Variants in RUBCNL observed in about 807,000 individuals in gnomAD.
RUBCNL encodes the protein protein associated with UVRAG as autophagy enhancer.
In RUBCNL, 62 loss-of-function variants were observed where a neutral mutation model predicts 69.5. That is an observed-to-expected ratio of 0.89 (90% CI 0.73 to 1.10). The LOEUF is 1.10. Among genes scored for constraint, RUBCNL ranks in the 50% least tolerant of loss-of-function variants. The probability of loss-of-function intolerance (pLI) is 0.00; values close to 1 mark genes in which losing one functional copy is unlikely to be tolerated. For synonymous variants in RUBCNL, 291 were observed against 303.6 expected (o/e 0.96, Z 0.43); for missense variants, 768 against 798.1 (o/e 0.96, Z 0.45).
chr13:46,383,869 G>A (rs920511652), intron 1 of RUBCNL, among the ~76,000 whole-genome samples: 1 of 152,192 alleles, frequency 6.6e-6, no homozygotes, highest in Non-Finnish European at 1.5e-5. Context: ...CCTACTTGAG[G>A]AGCTATTTTC....
intron 3 of RUBCNL, among the ~76,000 whole-genome samples, chr13:46,370,307 C>T (rs1475174020): frequency 6.6e-6 from 1 of 152,184 alleles, no homozygotes; most frequent in African/African-American, 2.4e-5. Flanking sequence ...TGTGGAATCC[C>T]TTCCTACAGC....
chr13:46,373,030 G>A (rs1192757735), intron 2 of RUBCNL, among the ~76,000 whole-genome samples: 2 of 151,398 alleles, frequency 1.3e-5, no homozygotes, highest in African/African-American at 4.9e-5. Context: ...CTGGAGTGCA[G>A]TGGGGCCATC....
At chr13:46,378,049 C>A in intron 1 of RUBCNL, 44 bp from the exon 2 acceptor site, 2 of 1,004,624 alleles carry the variant, frequency 2.0e-6, no homozygotes, top group Non-Finnish European at 2.9e-6. Flanking sequence ...GATACCACTG[C>A]CAGGTATGTT....
upstream of RUBCNL, chr13:46,387,957 C>T (rs2049285409): frequency 3.2e-6 from 2 of 633,918 alleles, no homozygotes; most frequent in Admixed American, 6.3e-5. Context: ...CCTGTGATCC[C>T]AGCACCTACT....
At chr13:46,373,393 A>G (rs1287126586) in intron 2 of RUBCNL, among the ~76,000 whole-genome samples, 2 of 152,204 alleles carry the variant, frequency 1.3e-5, no homozygotes. Context: ...TGTAACTTAT[A>G]TTACCTTTCA....
chr13:46,354,798 A>C (rs905352645), intron 10 of RUBCNL: 3 of 456,630 alleles, frequency 6.6e-6, no homozygotes, highest in African/African-American at 2.0e-5. Context: ...AAAGATGATA[A>C]GCAAGCTCCC....
intron 14 of RUBCNL, 130 bp downstream of exon 14, chr13:46,344,611 T>C (rs1481989638): frequency 3.0e-6 from 2 of 667,900 alleles, no homozygotes; most frequent in East Asian, 5.5e-5. Context: ...CCAGCATGAC[T>C]GTACTTTAAA....
rs891582716 is a variant in RUBCNL at position 46,338,081 on chromosome 13, C to G, written c.*5304G>C. ...GGAGCATGTGTGTGCACGTGCAGTA[C>G]GCTGAAGAATGGGCAAGATCGGGAG... On this transcript the variant is annotated 3_prime_UTR_variant, in exon 15 of 15. Coordinates refer to ENST00000429979, the MANE Select transcript of RUBCNL (RefSeq NM_025113.5). Among the ~76,000 whole-genome samples, 2 of 152,104 alleles carry G rather than the reference C, an allele frequency of 1.3e-5. No homozygotes were observed. Among genetic ancestry groups the G allele is most frequent in the Non-Finnish European group, 2.9e-5 (2 of 68,020 alleles).
At chr13:46,376,452 T>C (rs2048996701) in intron 2 of RUBCNL, among the ~76,000 whole-genome samples, 2 of 152,128 alleles carry the variant, frequency 1.3e-5, no homozygotes, top group South Asian at 4.1e-4. Context: ...TCACAAAATA[T>C]CACAGAGTAC....
rs2764591 is a variant in RUBCNL, at chr13:46,338,295, C to G, written c.*5090G>C. 0.31 allele frequency among the ~76,000 whole-genome samples: 47,396 copies of G among 152,100 alleles called. 7,572 individuals are homozygous for G. Among genetic ancestry groups the G allele is most frequent in the Middle Eastern group, 0.37 (109 of 294 alleles). ...GAATTTTGAAATCTTTGACTCCTCACTGCTCTGCTCTGGAGCATGGTGGCT... is the reference window on the plus strand; with the variant it reads ...GAATTTTGAAATCTTTGACTCCTCAGTGCTCTGCTCTGGAGCATGGTGGCT... On this transcript the variant is annotated 3_prime_UTR_variant, in exon 15 of 15. Coordinates refer to ENST00000429979, the MANE Select transcript of RUBCNL (RefSeq NM_025113.5).
In RUBCNL at chr13:46,377,879, C is replaced by T. The variant is rs543352622; in HGVS notation, c.-123+11G>A. On this transcript the variant is annotated intron_variant, in intron 2 of 14. Coordinates refer to ENST00000429979, the MANE Select transcript of RUBCNL (RefSeq NM_025113.5). The stretch of plus-strand genomic sequence containing the variant: ...GCAGAGAGAAGACAAAAGGCCAGGT[C>T]GGACACTCACCAGGAGTATGAATTT... 121 of 1,538,766 alleles carry T rather than the reference C, an allele frequency of 7.9e-5. No individual in the cohort carries two copies. The highest frequency in any genetic ancestry group is 9.7e-5 in the Non-Finnish European group (108 of 1,116,432).
At chr13:46,365,228 G>A (rs1170040652) in intron 5 of RUBCNL, among the ~76,000 whole-genome samples, 2 of 149,914 alleles carry the variant, frequency 1.3e-5, no homozygotes, top group East Asian at 2.0e-4. Flanking sequence ...GTTTGAACAT[G>A]GGAGGTAGAG....
chr13:46,346,897 T>G (rs2138676825), intron 12 of RUBCNL, among the ~76,000 whole-genome samples: 1 of 152,346 alleles, frequency 6.6e-6, no homozygotes, highest in Non-Finnish European at 1.5e-5. Context: ...CATGCCTAAG[T>G]CTTTACTGGT....
chr13:46,352,365 T>C (rs896153568), intron 10 of RUBCNL, among the ~76,000 whole-genome samples: 1 of 152,334 alleles, frequency 6.6e-6, no homozygotes, highest in African/African-American at 2.4e-5. Flanking sequence ...ATGTACGTCT[T>C]TGTAACTAAA....
chr13:46,358,300 CT>C (rs2048535132), intron 9 of RUBCNL, among the ~76,000 whole-genome samples: 1 of 152,176 alleles, frequency 6.6e-6, no homozygotes, highest in African/African-American at 2.4e-5. Flanking sequence ...TCACCGGTCC[CT>C]TTGTAATGCT....
Position 46,372,588 on chromosome 13 carries a change from G to A in RUBCNL, c.-113C>T. On this transcript the variant is annotated 5_prime_UTR_variant, in exon 3 of 15. Transcript: ENST00000429979. ...CACCACATGGCCAGCTGGGGGTCTG[G>A]AGAGCTATTCTGCAATGAGCAAGGA... is the stretch of plus-strand genomic sequence containing the variant. 6.8e-7 allele frequency: 1 copy of A among 1,466,568 alleles called. No individual in the cohort carries two copies. 90.8% of individuals were successfully genotyped at this position (1,466,568 alleles called of 1,614,324 possible).
At chr13:46,382,227 G>A (rs61948090) in intron 1 of RUBCNL, among the ~76,000 whole-genome samples, 14,027 of 152,210 alleles carry the variant, frequency 0.092, 878 homozygotes, top group Non-Finnish European at 0.14. Flanking sequence ...TAGAACTAAA[G>A]GGAGCTGTAT....
chr13:46,347,231 C>T (rs1594131838), intron 12 of RUBCNL, among the ~76,000 whole-genome samples: 1 of 152,150 alleles, frequency 6.6e-6, no homozygotes, highest in African/African-American at 2.4e-5. Context: ...CATGGTGAAA[C>T]CTTGTCTCTA....
Position 46,387,149 on chromosome 13 carries a change from C to A in RUBCNL, c.-254G>T. The A allele has an allele frequency of 4.1e-6, 4 of 985,464 alleles. No homozygotes were observed. Among genetic ancestry groups the A allele is most frequent in the Non-Finnish European group, 4.8e-6 (4 of 829,980 alleles). 61.0% of individuals were successfully genotyped at this position (985,464 alleles called of 1,614,324 possible). A position where few individuals can be genotyped will look rare whatever the true frequency, so the allele number is the denominator to read the frequency against. ...CCAGCCTCACCCAGCCAAACCCGAG[C>A]GGTGGAACGCTGCGCTGGGTAAACG... On this transcript the variant is annotated 5_prime_UTR_variant, in exon 1 of 15. Transcript: ENST00000429979.
Sources: allele counts gnomAD v4.1 joint callset (sites outside exome capture counted in the v4.1 genomes callset), GRCh38; gene constraint gnomAD v4.1.1; transcripts MANE v1.5; gene names NCBI Gene and HGNC (gene_info 2026-07-23, HGNC 2026-07-21).